Variants in DNHD1 observed in about 807,000 individuals in gnomAD.
DNHD1 encodes the protein dynein heavy chain domain 1, also known as dynein heavy chain domain-containing protein 1.
DNHD1 carries 383 observed loss-of-function variants against 458.1 expected under a neutral mutation model. That is an observed-to-expected ratio of 0.84 (90% CI 0.77 to 0.91). The LOEUF is 0.91. DNHD1 is among the 40% of genes least tolerant of loss of function. The pLI, the probability that DNHD1 is intolerant of heterozygous loss-of-function variation, is 0.00. For missense variants in DNHD1, 5,336 were observed against 5,866.1 expected (o/e 0.91, Z 2.95); for synonymous variants, 2,203 against 2,376.9 (o/e 0.93, Z 2.13).
At chr11:6,556,440 A>T (rs1382855582) in intron 24 of DNHD1, among the ~76,000 whole-genome samples, 2 of 152,216 alleles carry the variant, frequency 1.3e-5, no homozygotes, top group Non-Finnish European at 2.9e-5. Flanking sequence ...TATTATCATT[A>T]TTAACCTTCG....
intron 24 of DNHD1, among the ~76,000 whole-genome samples, chr11:6,550,543 G>A (rs1009812636): frequency 1.3e-5 from 2 of 152,090 alleles, no homozygotes; most frequent in African/African-American, 4.8e-5. Flanking sequence ...AAAACCCCCA[G>A]AAAATAATGT....
Position 6,558,503 on chromosome 11 carries a change from C to A in DNHD1, c.9021C>A (p.Cys3007Ter). 1 of 1,551,666 alleles carries A rather than the reference C, an allele frequency of 6.4e-7. No homozygotes were observed. Among genetic ancestry groups the A allele is most frequent in the Non-Finnish European group, 8.7e-7 (1 of 1,146,992 alleles). Residue 3007 changes from cysteine to a stop codon, truncating the protein, a stop_gained, in exon 26 of 43, where the codon TGC becomes TGA. Coordinates refer to ENST00000254579, the MANE Select transcript of DNHD1 (RefSeq NM_144666.3). LOFTEE classifies it high-confidence loss of function. ...MVLQRFHQQVCSHLHLFFLIG... is the reference protein window; with the variant it reads ...MVLQRFHQQV ...CCCACAGGTTCCACCAGCAAGTGTG[C>A]AGCCACCTTCACCTGTTCTTCCTGA...
Position 6,557,785 on chromosome 11 carries a change from C to G in DNHD1, c.8490C>G (p.Asn2830Lys). ...GTCAGGAGCTGATACTGGGGCCTAA[C>G]TCTGAGACCCCCAACTTGTACCTGG... ...VFSQELILGP[N>K]SETPNLYLER... The change falls in exon 25 of 43, where the codon AAC (asparagine) becomes AAG (lysine). Residue 2830 changes from asparagine (N) to lysine (K), a missense_variant. Physicochemically the swap from Asn to Lys is moderately conservative, Grantham distance 94. Transcript: ENST00000254579. 6.4e-7 allele frequency: 1 copy of G among 1,551,594 alleles called. No homozygotes were observed. The highest frequency in any genetic ancestry group is 8.7e-7 in the Non-Finnish European group (1 of 1,146,984).
chr11:6,546,988 GAC>G lies in DNHD1; in HGVS notation c.6052_6053del (p.Thr2018LeufsTer48). On this transcript the variant is annotated frameshift_variant, in exon 21 of 43. Transcript: ENST00000254579. LOFTEE classifies it high-confidence loss of function. The stretch of plus-strand genomic sequence containing the variant: ...CCAGAATCGGCTGGCAGCCATGGAG[GAC>G]ACCTCAACCCAAGGCTGCCAGCCTG... ...KIQNRLAAME[D>X]TSTQGCQPVE... is the part of the protein sequence containing the mutation. The G allele has an allele frequency of 6.4e-7, 1 of 1,551,482 alleles. No individual in the cohort carries two copies. Among genetic ancestry groups the G allele is most frequent in the South Asian group, 1.2e-5 (1 of 84,044 alleles).
At position 6,568,036 on chromosome 11, in the gene DNHD1, A is replaced by G. The variant is rs747160717; in HGVS notation, c.12352-20A>G. 12 of 1,548,026 alleles carry G rather than the reference A, an allele frequency of 7.8e-6. No homozygotes were observed. Among genetic ancestry groups the G allele is most frequent in the Middle Eastern group, 4.2e-4 (2 of 4,784 alleles). On this transcript the variant is annotated intron_variant, in intron 36 of 42. Transcript: ENST00000254579. ...TAGGATCACTTTGAGTCATGCTGCCATCTCTTTTTTGGTCCCCAGGGGCAG... is the reference window on the plus strand; with the variant it reads ...TAGGATCACTTTGAGTCATGCTGCCGTCTCTTTTTTGGTCCCCAGGGGCAG...
At position 6,521,374 on chromosome 11, in the gene DNHD1, AAGG is replaced by A. The variant is rs559678568; in HGVS notation, c.1837+1088_1837+1090del. ...GCTGTAGTATTTTTTGAATGGTTAAAAGGAGCAAAAAACAACCTCTTGCATTTT... is the reference window on the plus strand; with the variant it reads ...GCTGTAGTATTTTTTGAATGGTTAAAAGCAAAAAACAACCTCTTGCATTTT... On this transcript the variant is annotated intron_variant, in intron 10 of 42. Coordinates refer to ENST00000254579, the MANE Select transcript of DNHD1 (RefSeq NM_144666.3). Among the ~76,000 whole-genome samples the A allele has an allele frequency of 8.6e-3, 1,304 of 152,328 alleles. 18 individuals carry two copies. Among genetic ancestry groups the A allele is most frequent in the African/African-American group, 0.029 (1,226 of 41,562 alleles).
rs777288906 is a variant in DNHD1 at position 6,566,699 on chromosome 11, C to G, written c.11319C>G (p.Leu3773=). The G allele has an allele frequency of 8.3e-5, 134 of 1,612,464 alleles. No homozygotes were observed. The highest frequency in any genetic ancestry group is 1.1e-4 in the Non-Finnish European group (131 of 1,179,292). The change falls in exon 35 of 43, where the codon CTC becomes CTG. Residue 3773 remains leucine (L), a synonymous_variant. Transcript: ENST00000254579. The stretch of plus-strand genomic sequence containing the variant: ...TCTTGTGCAGAGAGTATCCTGAACT[C>G]GAGACCCGCTGGCAGGACCTAAAGA... The part of the protein sequence containing the change: ...HEILCREYPE[L]ETRWQDLKIR...
chr11:6,551,897 G>A (rs1483983881), intron 24 of DNHD1, among the ~76,000 whole-genome samples: 3 of 149,574 alleles, frequency 2.0e-5, no homozygotes, highest in African/African-American at 7.5e-5. Context: ...GCTGAGATTT[G>A]CACCACTGCA....
At position 6,534,127 on chromosome 11, in the gene DNHD1, A is replaced by G. The variant is rs763311048; in HGVS notation, c.2952A>G (p.Thr984=). 126 of 1,551,428 alleles carry G rather than the reference A, an allele frequency of 8.1e-5. 1 individual carries two copies. The South Asian group carries it at 1.4e-3, about 17-fold the overall frequency. ...LVSLERQFQN[T]VSDLSELHHA... is the part of the protein sequence containing the mutation. ...CCCTAGAGCGTCAGTTCCAGAACAC[A>G]GTCAGCGACCTCAGTGAACTGCACC... Residue 984 remains threonine (T), a synonymous_variant, in exon 14 of 43, where the codon ACA becomes ACG. Transcript: ENST00000254579.
intron 4 of DNHD1, 188 bp from the exon 5 acceptor site, chr11:6,508,692 C>A (rs893716321): frequency 1.7e-6 from 1 of 587,554 alleles, no homozygotes; most frequent in Non-Finnish European, 2.9e-6. Flanking sequence ...CCTTTGGCTT[C>A]GGTTTCTTCT....
At chr11:6,520,728 G>T in intron 10 of DNHD1, 1 of 1,008,486 alleles carries the variant, frequency 9.9e-7, no homozygotes, top group Non-Finnish European at 1.2e-6. Flanking sequence ...TCATTGTATT[G>T]AAATATTTTA....
chr11:6,511,163 A>G lies in DNHD1; in HGVS notation c.1236-110A>G, dbSNP rs1262568909. On this transcript the variant is annotated intron_variant, in intron 6 of 42. Coordinates refer to ENST00000254579, the MANE Select transcript of DNHD1 (RefSeq NM_144666.3). ...ATTGGTCACTGTTGGTAATATTACA[A>G]TCTCTATAAATATTTGTGCAGTCTG... 30 of 1,407,852 alleles carry G rather than the reference A, an allele frequency of 2.1e-5. No individual in the cohort carries two copies. The Admixed American group carries it at 6.5e-4, about 30-fold the overall frequency. The allele number at this position is 1,407,852 out of a possible 1,614,324, so 87.2% of individuals were successfully genotyped here. A position where few individuals can be genotyped will look rare whatever the true frequency, so the allele number is the denominator to read the frequency against.
At chr11:6,502,049 T>G (rs529624902) in intron 3 of DNHD1, among the ~76,000 whole-genome samples, 19 of 152,336 alleles carry the variant, frequency 1.2e-4, no homozygotes, top group Non-Finnish European at 2.2e-4. Context: ...TTCCAGAGTT[T>G]TTTTTGTGTG....
In DNHD1 at chr11:6,558,172, C is replaced by T; in HGVS notation, c.8877C>T (p.Ala2959=). The change falls in exon 25 of 43, where the codon GCC becomes GCT. Residue 2959 remains alanine, a synonymous_variant. Coordinates refer to ENST00000254579, the MANE Select transcript of DNHD1 (RefSeq NM_144666.3). ...TCACTACACTTCATCGCCTCCTGGCCCTGGCAACCTCAGGCAGTTTCCCTG... is the reference window on the plus strand; with the variant it reads ...TCACTACACTTCATCGCCTCCTGGCTCTGGCAACCTCAGGCAGTTTCCCTG... ...VDLTTLHRLL[A]LATSGSFPGQ... The T allele has an allele frequency of 1.3e-6, 2 of 1,545,608 alleles. No individual in the cohort carries two copies. The highest frequency in any genetic ancestry group is 1.7e-6 in the Non-Finnish European group (2 of 1,144,432).
At chr11:6,528,831 C>A (rs1852769172) in intron 11 of DNHD1, 44 bp downstream of exon 11, 1 of 1,549,868 alleles carries the variant, frequency 6.5e-7, no homozygotes. Flanking sequence ...CCACCAATTC[C>A]CATTATAGCC....
intron 7 of DNHD1, among the ~76,000 whole-genome samples, chr11:6,511,926 GC>G: frequency 6.6e-6 from 1 of 152,292 alleles, no homozygotes. Context: ...CTGACCTCTT[GC>G]CCATGGTCTA....
At chr11:6,559,321 A>G in intron 28 of DNHD1, 38 bp downstream of exon 28, 3 of 1,526,408 alleles carry the variant, frequency 2.0e-6, no homozygotes, top group Non-Finnish European at 2.7e-6. Context: ...GGTGGTGTCA[A>G]AGCAGGAGCC....
intron 16 of DNHD1, among the ~76,000 whole-genome samples, 152 bp downstream of exon 16, chr11:6,538,962 A>T (rs972956689): frequency 5.9e-5 from 9 of 152,130 alleles, no homozygotes; most frequent in African/African-American, 2.2e-4. Flanking sequence ...CTTTTCCTTA[A>T]CTGGGACAAA....
chr11:6,509,501 T>C (rs1852296127), intron 6 of DNHD1, among the ~76,000 whole-genome samples: 1 of 152,192 alleles, frequency 6.6e-6, no homozygotes, highest in African/African-American at 2.4e-5. Flanking sequence ...AGTTTTTTCT[T>C]TGAACATATA....
Sources: allele counts gnomAD v4.1 joint callset (sites outside exome capture counted in the v4.1 genomes callset), GRCh38; gene constraint gnomAD v4.1.1; transcripts MANE v1.5; gene names NCBI Gene and HGNC (gene_info 2026-07-23, HGNC 2026-07-21).